The following HGSNAT variants were observed in gnomAD, a reference collection of about 807,000 sequenced individuals.
The protein encoded by HGSNAT is heparan-alpha-glucosaminide N-acetyltransferase, also known as transmembrane protein 76.
HGSNAT carries 59 observed loss-of-function variants against 85.2 expected under a neutral mutation model. The ratio of observed to expected loss-of-function variants is 0.69; its 90% CI spans 0.56 to 0.86. The LOEUF (loss-of-function observed/expected upper bound fraction) is 0.86. HGSNAT is among the 40% of genes least tolerant of loss of function. The pLI is 0.00. For missense variants in HGSNAT, 756 were observed against 777.1 expected (o/e 0.97, Z 0.32); for synonymous variants, 321 against 304.5 (o/e 1.05, Z -0.56).
intron 5 of HGSNAT, among the ~76,000 whole-genome samples, chr8:43,162,819 C>T (rs180752392): frequency 1.2e-3 from 187 of 151,920 alleles, no homozygotes; most frequent in African/African-American, 4.4e-3. Flanking sequence ...TTCCATCTGT[C>T]TCTGACTCCC....
At chr8:43,176,444 C>T (rs539412038) in intron 9 of HGSNAT, among the ~76,000 whole-genome samples, 1 of 152,274 alleles carries the variant, frequency 6.6e-6, no homozygotes, top group East Asian at 1.9e-4. Flanking sequence ...GTTTTTGTTT[C>T]TATAGCTCTG....
intron 11 of HGSNAT, among the ~76,000 whole-genome samples, chr8:43,187,348 T>C (rs1455385210): frequency 1.3e-5 from 2 of 152,248 alleles, no homozygotes; most frequent in Non-Finnish European, 1.5e-5. Context: ...CATATATATT[T>C]AGGATAGTTA....
intron 7 of HGSNAT, among the ~76,000 whole-genome samples, chr8:43,171,832 C>T (rs1803634368): frequency 6.6e-6 from 1 of 152,178 alleles, no homozygotes; most frequent in African/African-American, 2.4e-5. Flanking sequence ...GTGGTTAGGG[C>T]ACTTTCTTTT....
rs2130715134 is a variant in HGSNAT at position 43,158,926 on chromosome 8, G to A, written c.375G>A (p.Leu125=). The A allele has an allele frequency of 6.2e-7, 1 of 1,605,820 alleles. No homozygotes were observed. Among genetic ancestry groups the A allele is most frequent in the Non-Finnish European group, 8.5e-7 (1 of 1,175,208 alleles). Residue 125 remains leucine (L), a synonymous_variant, in exon 4 of 18, where the codon TTG becomes TTA. Coordinates refer to ENST00000379644, the MANE Select transcript of HGSNAT (RefSeq NM_152419.3). Reference sequence around the variant, plus strand: ...TAATTTTACCTAATGTTTGTAGGTTGGAATACAGATTTGGAGAATTTGGAA... The same window carrying A: ...TAATTTTACCTAATGTTTGTAGGTTAGAATACAGATTTGGAGAATTTGGAA... ...DTLEEKEVCR[L]EYRFGEFGNY...
chr8:43,189,263 G>C (rs1804437495), intron 11 of HGSNAT, among the ~76,000 whole-genome samples: 1 of 152,202 alleles, frequency 6.6e-6, no homozygotes, highest in Non-Finnish European at 1.5e-5. Flanking sequence ...AGGCCTTCTT[G>C]AGCTGCGGTG....
chr8:43,144,259 A>T (rs946508832), intron 1 of HGSNAT, among the ~76,000 whole-genome samples: 2 of 148,306 alleles, frequency 1.3e-5, no homozygotes, highest in South Asian at 2.1e-4. Flanking sequence ...CAGGAGGTTG[A>T]GGCTGCAGTG....
At position 43,150,632 on chromosome 8, in the gene HGSNAT, G is replaced by A. The variant is rs923818695; in HGVS notation, c.234+3569G>A. Among the ~76,000 whole-genome samples, 7 of 152,254 alleles carry A rather than the reference G, an allele frequency of 4.6e-5. No individual in the cohort carries two copies. In the East Asian group the frequency reaches 1.4e-3, roughly 30 times the overall value. On this transcript the variant is annotated intron_variant, in intron 2 of 17. Transcript: ENST00000379644. ...GCGGATCACAAGGTCAGGAGATCGA[G>A]ACCATCCTGGCCAACACGGTGAAAC...
chr8:43,198,580 C>T (rs1804812709), intron 17 of HGSNAT, among the ~76,000 whole-genome samples: 1 of 152,096 alleles, frequency 6.6e-6, no homozygotes, highest in East Asian at 1.9e-4. Context: ...AGCCACCGTG[C>T]CCAGCCTCTG....
intron 10 of HGSNAT, among the ~76,000 whole-genome samples, chr8:43,179,474 C>G (rs1383220625): frequency 9.3e-6 from 1 of 107,736 alleles, no homozygotes; most frequent in South Asian, 3.5e-4. Context: ...CCGGACGGGG[C>G]GGCCGGCCGG....
At chr8:43,198,397 C>T (rs898795421) in intron 17 of HGSNAT, among the ~76,000 whole-genome samples, 16 of 149,714 alleles carry the variant, frequency 1.1e-4, no homozygotes, top group Non-Finnish European at 2.4e-4. Context: ...ACGCCATTCT[C>T]CTGCCTCAGC....
At chr8:43,194,043 T>C (rs1415966038) in intron 14 of HGSNAT, 200 bp downstream of exon 14, 4 of 1,276,750 alleles carry the variant, frequency 3.1e-6, no homozygotes, top group Non-Finnish European at 4.0e-6. Flanking sequence ...GATATAATTC[T>C]TATATTCTCA....
chr8:43,196,692 G>T, intron 14 of HGSNAT: 1 of 594,132 alleles, frequency 1.7e-6, no homozygotes, highest in South Asian at 1.8e-5. Context: ...CTGGTGCTCT[G>T]GCCTCACCTC....
rs1804457555 is a variant in HGSNAT, at chr8:43,189,649, G to T, written c.1129-1825G>T. Among the ~76,000 whole-genome samples, 4 of 152,214 alleles carry T rather than the reference G, an allele frequency of 2.6e-5. No individual in the cohort carries two copies. The South Asian group carries it at 8.3e-4, about 32-fold the overall frequency. On this transcript the variant is annotated intron_variant, in intron 11 of 17. Coordinates refer to ENST00000379644, the MANE Select transcript of HGSNAT (RefSeq NM_152419.3). ...GACAAGCCCCAGTGAGATGAACCCG[G>T]TACCTCAGTTGGAAATGCAGAAATC...
chr8:43,149,341 A>C (rs1193014935), intron 2 of HGSNAT, among the ~76,000 whole-genome samples: 1 of 152,160 alleles, frequency 6.6e-6, no homozygotes, highest in African/African-American at 2.4e-5. Context: ...TGACTCTTTT[A>C]ACTAGAGACT....
At position 43,199,410 on chromosome 8, in the gene HGSNAT, T is replaced by C. The variant is rs1126058; in HGVS notation, c.1749T>C (p.Tyr583=). The change falls in exon 18 of 18, where the codon TAT becomes TAC. Residue 583 remains tyrosine (Y), a synonymous_variant. Coordinates refer to ENST00000379644, the MANE Select transcript of HGSNAT (RefSeq NM_152419.3). ...FYPGMNSILV[Y]VGHEVFENYF... ...AAGGAATGAATTCCATTCTGGTATA[T>C]GTCGGCCACGAGGTGTTTGAGAACT... The C allele has an allele frequency of 1, 1,599,734 of 1,602,358 alleles. 798,587 individuals are homozygous for C. Among genetic ancestry groups the C allele is most frequent in the East Asian group, 1 (44,661 of 44,662 alleles).
At chr8:43,172,551 CTGCGAG>C (rs1393971858) in intron 8 of HGSNAT, among the ~76,000 whole-genome samples, 165 bp downstream of exon 8, 14 of 152,218 alleles carry the variant, frequency 9.2e-5, no homozygotes, top group Admixed American at 7.2e-4. Flanking sequence ...GTAGATGATT[CTGCGAG>C]CCCTTTAGTT....
Position 43,170,648 on chromosome 8 carries a change from C to CT in HGSNAT, c.698dup (p.Ser234IlefsTer46). The CT allele has an allele frequency of 2.5e-6, 4 of 1,609,428 alleles. No homozygotes were observed. The highest frequency in any genetic ancestry group is 2.5e-6 in the Non-Finnish European group (3 of 1,178,050). On this transcript the variant is annotated frameshift_variant, in exon 7 of 18. Transcript: ENST00000379644. LOFTEE classifies it high-confidence loss of function. ...TGATGTTCAGCCAGCAACGTGGCGT[C>CT]TATCTGCCCTGCCGCCCCGCCTCCG...
At chr8:43,170,447 T>G in intron 6 of HGSNAT, 138 bp from the exon 7 acceptor site, 1 of 761,538 alleles carries the variant, frequency 1.3e-6, no homozygotes, top group Admixed American at 2.2e-5. Flanking sequence ...GCCATTGCAC[T>G]CCAGGCTGGG....
At chr8:43,164,026 C>A (rs756645891) in intron 5 of HGSNAT, among the ~76,000 whole-genome samples, 1 of 151,998 alleles carries the variant, frequency 6.6e-6, no homozygotes, top group Admixed American at 6.6e-5. Context: ...GGCTATGTGA[C>A]GGTATTAAGG....
Sources: gnomAD v4.1 joint callset for allele counts (sites outside exome capture counted in the v4.1 genomes callset) on GRCh38, gnomAD v4.1.1 for gene constraint, MANE v1.5 for transcripts, NCBI Gene and HGNC (gene_info 2026-07-23, HGNC 2026-07-21) for gene names.